Variants in COL24A1 observed in about 807,000 individuals in gnomAD.
COL24A1 encodes the protein collagen type XXIV alpha 1 chain, also known as collagen alpha-1(XXIV) chain.
In COL24A1, 224 loss-of-function variants were observed where a neutral mutation model predicts 253.9. The ratio of observed to expected loss-of-function variants is 0.88; its 90% confidence interval spans 0.79 to 0.99. The LOEUF is 0.99. Among genes scored for constraint, COL24A1 ranks in the 50% least tolerant of loss-of-function variants. The probability of loss-of-function intolerance (pLI) is 0.00; values close to 1 mark genes in which losing one functional copy is unlikely to be tolerated. For synonymous variants in COL24A1, 685 were observed against 673.7 expected (o/e 1.02, Z -0.26); for missense variants, 2,131 against 2,068.5 (o/e 1.03, Z -0.59).
At chr1:85,976,296 C>A (rs1202462171) in intron 20 of COL24A1, among the ~76,000 whole-genome samples, 2 of 152,132 alleles carry the variant, frequency 1.3e-5, no homozygotes. Context: ...AAACTCAGTG[C>A]TGTTAGTAGG....
rs567959473 is a variant in COL24A1 at position 85,820,717 on chromosome 1, T to C, written c.3790-2630A>G. 8.7e-4 allele frequency among the ~76,000 whole-genome samples: 132 copies of C among 152,300 alleles called. 1 individual carries two copies. The highest frequency in any genetic ancestry group is 3.4e-3 in the Middle Eastern group (1 of 294). ...ATGGGGTTAAAGGCAGTCAATGGAT[T>C]AGATTTACAGTACATATAAAATTGT... On this transcript the variant is annotated intron_variant, in intron 45 of 59. Coordinates refer to ENST00000370571, the MANE Select transcript of COL24A1 (RefSeq NM_152890.7).
chr1:85,813,521 C>T (rs1672755367), intron 47 of COL24A1, among the ~76,000 whole-genome samples: 2 of 128,136 alleles, frequency 1.6e-5, no homozygotes, highest in East Asian at 2.7e-4. Context: ...ACTAGAAAAT[C>T]TCATTCAGGT....
rs543653384 is a variant in COL24A1, at chr1:85,923,032, G to A, written c.2563-11599C>T. ...AGGGGTTGTAATCCTAGTCTCTGAT[G>A]AAACAGACTTTAAACCAACAAAGAT... On this transcript the variant is annotated intron_variant, in intron 24 of 59. Coordinates refer to ENST00000370571, the MANE Select transcript of COL24A1 (RefSeq NM_152890.7). Among the ~76,000 whole-genome samples the A allele has an allele frequency of 5.1e-4, 77 of 152,030 alleles. 1 individual carries two copies. The highest frequency in any genetic ancestry group is 3.7e-3 in the South Asian group (18 of 4,808).
At chr1:85,828,991 GT>G (rs1674798656) in intron 43 of COL24A1, among the ~76,000 whole-genome samples, 1 of 124,074 alleles carries the variant, frequency 8.1e-6, no homozygotes. Context: ...TATTTTGCTC[GT>G]TAGTTGATGC....
At chr1:85,831,330 C>G (rs913036732) in intron 43 of COL24A1, among the ~76,000 whole-genome samples, 1 of 152,076 alleles carries the variant, frequency 6.6e-6, no homozygotes, top group Admixed American at 6.6e-5. Context: ...AACTACAAAA[C>G]TCTAAACCAT....
intron 47 of COL24A1, among the ~76,000 whole-genome samples, chr1:85,815,582 A>G (rs1361194753): frequency 6.6e-6 from 1 of 152,128 alleles, no homozygotes; most frequent in Non-Finnish European, 1.5e-5. Flanking sequence ...ACATAATTAT[A>G]TTGGTTAAGT....
intron 10 of COL24A1, 52 bp downstream of exon 10, chr1:86,057,879 A>T: frequency 6.6e-7 from 1 of 1,513,494 alleles, no homozygotes; most frequent in East Asian, 2.3e-5. Flanking sequence ...TATATATTTC[A>T]TTCTACTTTT....
At chr1:85,896,293 T>C (rs1459265303) in intron 29 of COL24A1, 63 bp downstream of exon 29, 1 of 1,417,930 alleles carries the variant, frequency 7.1e-7, no homozygotes, top group Non-Finnish European at 9.9e-7. Flanking sequence ...TTTTTTAGAC[T>C]AGTAGGACAT....
rs1039833988 is a variant in COL24A1, at chr1:86,124,910, C to T, written c.1426G>A (p.Glu476Lys). The T allele has an allele frequency of 1.9e-6, 3 of 1,609,724 alleles. No homozygotes were observed. In the African/African-American group the frequency reaches 4.0e-5, roughly 22 times the overall value. The change falls in exon 3 of 60, where the codon GAG (glutamate) becomes AAG (lysine). Residue 476 changes from glutamate (E) to lysine (K), a missense_variant. Glu to Lys is a moderately conservative substitution (Grantham distance 56). Transcript: ENST00000370571. The part of the protein sequence containing the change: ...ETELYDYYYY[E>K]DLNTMLEMEY... ...ATTTCAAGCATTGTATTTAGATCCT[C>T]ATAATAATAATAATCATAAAGCTCA...
intron 12 of COL24A1, among the ~76,000 whole-genome samples, chr1:86,042,173 A>T (rs1256692501): frequency 6.6e-6 from 1 of 152,196 alleles, no homozygotes; most frequent in South Asian, 2.1e-4. Context: ...TGTGGTTAGT[A>T]AGTACTTATG....
chr1:85,781,409 G>T, intron 51 of COL24A1, 136 bp from the exon 52 acceptor site: 2 of 515,542 alleles, frequency 3.9e-6, no homozygotes, highest in Non-Finnish European at 6.6e-6. Context: ...TACAGTATTA[G>T]CATAAATTAC....
chr1:85,965,074 C>G lies in COL24A1; in HGVS notation c.2464-12G>C. ...TGACCTGGTTTTCCCTAGAAGAGAA[C>G]AGCATAAAAGAAGAAAGTATATATG... On this transcript the variant is annotated splice_polypyrimidine_tract_variant and intron_variant, in intron 22 of 59. Coordinates refer to ENST00000370571, the MANE Select transcript of COL24A1 (RefSeq NM_152890.7). The G allele has an allele frequency of 6.2e-7, 1 of 1,602,452 alleles. No individual in the cohort carries two copies. Among genetic ancestry groups the G allele is most frequent in the Non-Finnish European group, 8.5e-7 (1 of 1,173,846 alleles).
At chr1:86,142,439 C>T (rs1210484672) in intron 2 of COL24A1, among the ~76,000 whole-genome samples, 14 of 150,664 alleles carry the variant, frequency 9.3e-5, no homozygotes, top group Admixed American at 7.3e-4. Context: ...AGGAGAATGG[C>T]GTGAACCTGG....
In COL24A1 at chr1:86,017,420, A is replaced by G. The variant is rs79462588; in HGVS notation, c.2257-216T>C. On this transcript the variant is annotated intron_variant, in intron 18 of 59. Transcript: ENST00000370571. ...TTAATATACATTCACTCAAGTGTTA[A>G]GTGATACAAACAAATTAATGAGTCA... 4.0e-3 allele frequency among the ~76,000 whole-genome samples: 608 copies of G among 152,336 alleles called. 8 individuals are homozygous for G. Among genetic ancestry groups the G allele is most frequent in the Admixed American group, 4.3e-3 (65 of 15,290 alleles).
intron 43 of COL24A1, among the ~76,000 whole-genome samples, chr1:85,830,110 G>A (rs1674996903): frequency 6.6e-6 from 1 of 152,030 alleles, no homozygotes; most frequent in African/African-American, 2.4e-5. Context: ...CGGTGTGGAT[G>A]TCCTTTCTGT....
chr1:85,994,599 TATG>T (rs1347944620), intron 19 of COL24A1, among the ~76,000 whole-genome samples: 1 of 152,100 alleles, frequency 6.6e-6, no homozygotes, highest in African/African-American at 2.4e-5. Context: ...ATGTCAGTAA[TATG>T]ATGAGTCCAG....
At chr1:85,852,414 C>T (rs904646447) in intron 37 of COL24A1, among the ~76,000 whole-genome samples, 2 of 152,114 alleles carry the variant, frequency 1.3e-5, no homozygotes, top group Admixed American at 1.3e-4. Flanking sequence ...ACCATCCCAC[C>T]TCTGCACAAC....
At chr1:85,879,928 T>C (rs1219447357) in intron 32 of COL24A1, among the ~76,000 whole-genome samples, 1 of 152,202 alleles carries the variant, frequency 6.6e-6, no homozygotes, top group Non-Finnish European at 1.5e-5. Flanking sequence ...ACTGTCTTGA[T>C]TACTGTAGTT....
At position 85,875,334 on chromosome 1, in the gene COL24A1, C is replaced by T. The variant is rs1337191436; in HGVS notation, c.3031-4G>A. 1.2e-5 allele frequency: 19 copies of T among 1,612,974 alleles called. No individual in the cohort carries two copies. Among genetic ancestry groups the T allele is most frequent in the Admixed American group, 5.0e-5 (3 of 59,948 alleles). On this transcript the variant is annotated splice_region_variant and splice_polypyrimidine_tract_variant and intron_variant, in intron 33 of 59. Transcript: ENST00000370571. The stretch of plus-strand genomic sequence containing the variant: ...CTCCCTCAGTGCCTGGAGGTCCCTA[C>T]AAGAGAATAATTTAACACATTACAA...
Sources: gnomAD v4.1 joint callset for allele counts (sites outside exome capture counted in the v4.1 genomes callset) on GRCh38, gnomAD v4.1.1 for gene constraint, MANE v1.5 for transcripts, NCBI Gene and HGNC (gene_info 2026-07-23, HGNC 2026-07-21) for gene names.